HCFC1: variants seen among roughly 807,000 people sequenced by gnomAD.
The protein encoded by HCFC1 is host cell factor C1.
A neutral mutation model predicts 105.5 loss-of-function variants in HCFC1; 7 were observed. The ratio of observed to expected loss-of-function variants is 0.07; its 90% CI spans 0.04 to 0.12. HCFC1 has a LOEUF of 0.12. Ranked by LOEUF, HCFC1 falls within the 10% of genes least tolerant of loss-of-function variation. The pLI is 1.00. For synonymous variants in HCFC1, 918 were observed against 828.1 expected, an observed-to-expected ratio of 1.11 and a Z score of -1.86; for missense variants, 1,065 against 1,823.6, an observed-to-expected ratio of 0.58 and a Z score of 7.58.
chrX:153,967,840 G>C (rs1323627989), intron 1 of HCFC1, among the ~76,000 whole-genome samples: 1 of 111,800 alleles, frequency 8.9e-6, no homozygotes, highest in Non-Finnish European at 1.9e-5. Flanking sequence ...AGGAGGGCTT[G>C]GTGTGGAAGG....
At chrX:153,957,192 GGCA>G in intron 13 of HCFC1, 119 bp downstream of exon 13, 1 of 973,270 alleles carries the variant, frequency 1.0e-6, no homozygotes. Flanking sequence ...AGACACAAAA[GGCA>G]GCAAGGAGAA....
intron 1 of HCFC1, among the ~76,000 whole-genome samples, chrX:153,968,669 A>C (rs782727826): frequency 8.9e-6 from 1 of 112,756 alleles, no homozygotes; most frequent in Non-Finnish European, 1.9e-5. Flanking sequence ...CATTTTAATA[A>C]ACTAATGAAT....
At chrX:153,960,896 C>T (rs1487370793) in intron 6 of HCFC1, among the ~76,000 whole-genome samples, 2 of 112,815 alleles carry the variant, frequency 1.8e-5, no homozygotes, top group East Asian at 2.8e-4. Context: ...CTGACCATTC[C>T]GTGAGGGCAC....
Position 153,952,025 on chromosome X carries a change from A to C in HCFC1, c.5076T>G (p.Ala1692=), listed in dbSNP as rs2148561246. Residue 1692 remains alanine, a synonymous_variant, in exon 20 of 26, where the codon GCT becomes GCG. Transcript: ENST00000310441. The part of the protein sequence containing the change: ...IPIVLTQQEL[A]ALVQQQQLQE... The stretch of plus-strand genomic sequence containing the variant: ...GCAGCTGCTGCTGCTGCACCAGGGC[A>C]GCCAGCTCCTGCTGTGTCAGCACAA... 8 of 1,197,724 alleles carry C rather than the reference A, an allele frequency of 6.7e-6. No individual in the cohort carries two copies. Among genetic ancestry groups the C allele is most frequent in the East Asian group, 3.0e-5 (1 of 33,392 alleles).
intron 25 of HCFC1, 47 bp from the exon 26 acceptor site, chrX:153,949,433 C>G: frequency 8.8e-7 from 1 of 1,142,592 alleles, no homozygotes; most frequent in Non-Finnish European, 1.2e-6. Flanking sequence ...GGGCCCTGCA[C>G]CACTGGAGGC....
At chrX:153,959,657 T>A in intron 8 of HCFC1, 145 bp downstream of exon 8, 5 of 939,921 alleles carry the variant, frequency 5.3e-6, no homozygotes, top group Non-Finnish European at 7.3e-6. Flanking sequence ...GGCTTTAGCA[T>A]CCCCCTACAA....
At position 153,960,024 on chromosome X, in the gene HCFC1, T is replaced by C. The variant is rs781937365; in HGVS notation, c.1222A>G (p.Thr408Ala). ...GGATTGGGTGTAGGGGAGGTGGCAG[T>C]AGCAGCCGTGGCAGGAATGTCATAT... ...QKYDIPATAATATSPTPNPVP... is the reference protein window; with the variant it reads ...QKYDIPATAAAATSPTPNPVP... The change falls in exon 8 of 26, where the codon ACT (threonine) becomes GCT (alanine). Residue 408 changes from threonine to alanine, a missense_variant. Physicochemically the swap from Thr to Ala is moderately conservative, Grantham distance 58. Coordinates refer to ENST00000310441, the MANE Select transcript of HCFC1 (RefSeq NM_005334.3). The C allele has an allele frequency of 6.6e-6, 8 of 1,210,377 alleles. No individual in the cohort carries two copies. The South Asian group carries it at 1.1e-4, about 16-fold the overall frequency.
intron 6 of HCFC1, 33 bp from the exon 7 acceptor site, chrX:153,960,447 G>A: frequency 9.2e-7 from 1 of 1,090,943 alleles, no homozygotes; most frequent in Non-Finnish European, 1.2e-6. Context: ...GGTCAGCAAG[G>A]AGGATGGAGG....
At chrX:153,953,222 C>T (rs1260849558) in intron 18 of HCFC1, 1 of 441,689 alleles carries the variant, frequency 2.3e-6, no homozygotes, top group Non-Finnish European at 3.9e-6. Context: ...CAGCTCCAGC[C>T]CATGTTAAAT....
At chrX:153,961,149 T>C (rs1035256794) in intron 6 of HCFC1, among the ~76,000 whole-genome samples, 6 of 112,453 alleles carry the variant, frequency 5.3e-5, no homozygotes, top group Non-Finnish European at 1.1e-4. Flanking sequence ...AGGCCAGGTG[T>C]GGCACTGCGT....
chrX:153,954,684 T>C lies in HCFC1; in HGVS notation c.3715A>G (p.Thr1239Ala). 8.3e-7 allele frequency: 1 copy of C among 1,205,430 alleles called. No homozygotes were observed. Among genetic ancestry groups the C allele is most frequent in the Non-Finnish European group, 1.1e-6 (1 of 892,785 alleles). ...PAGRHSHAVS[T>A]AAMTRSSVGA... The stretch of plus-strand genomic sequence containing the variant: ...ACGCTGGAACGGGTCATGGCAGCGG[T>C]GCTGACCGCATGGCTGTGGCGCCCC... The change falls in exon 17 of 26, where the codon ACC becomes GCC. Residue 1239 changes from threonine (T) to alanine (A), a missense_variant. By Grantham distance (58) the Thr-to-Ala change is moderately conservative. Coordinates refer to ENST00000310441, the MANE Select transcript of HCFC1 (RefSeq NM_005334.3).
In HCFC1 at chrX:153,947,642, A is replaced by G. The variant is rs781864450; in HGVS notation, c.*1705T>C. The stretch of plus-strand genomic sequence containing the variant: ...AATATTGAGTCACAGGGGTTACTCT[A>G]CAATAGTGAACGGTGTACTCTCCTC... On this transcript the variant is annotated 3_prime_UTR_variant, in exon 26 of 26. Coordinates refer to ENST00000310441, the MANE Select transcript of HCFC1 (RefSeq NM_005334.3). 1 of 112,480 alleles carries G rather than the reference A, an allele frequency of 8.9e-6. No homozygotes were observed. The highest frequency in any genetic ancestry group is 1.9e-5 in the Non-Finnish European group (1 of 53,183). 9.3% of individuals were successfully genotyped at this position (112,480 alleles called of 1,213,427 possible).
At position 153,949,111 on chromosome X, in the gene HCFC1, A is replaced by G; in HGVS notation, c.*236T>C. On this transcript the variant is annotated 3_prime_UTR_variant, in exon 26 of 26. Coordinates refer to ENST00000310441, the MANE Select transcript of HCFC1 (RefSeq NM_005334.3). ...GTGGGCGGCAGCGGGGAGGAAAGGA[A>G]GCGCGCTCCTCTCTCTGCTTTCCCA... is the stretch of plus-strand genomic sequence containing the variant. 1 of 309,641 alleles carries G rather than the reference A, an allele frequency of 3.2e-6. No individual in the cohort carries two copies. Among genetic ancestry groups the G allele is most frequent in the Admixed American group, 5.4e-5 (1 of 18,402 alleles). 25.5% of individuals were successfully genotyped at this position (309,641 alleles called of 1,213,427 possible).
chrX:153,962,948 G>A (rs961758177), intron 4 of HCFC1, among the ~76,000 whole-genome samples: 12 of 112,262 alleles, frequency 1.1e-4, no homozygotes, highest in Admixed American at 5.6e-4. Flanking sequence ...CGGATCCAGA[G>A]AATTCCATTC....
chrX:153,957,071 G>A lies in HCFC1; in HGVS notation c.2354-11C>T. On this transcript the variant is annotated splice_polypyrimidine_tract_variant and intron_variant, in intron 13 of 25. Transcript: ENST00000310441. ...GACTGCTGGTCACACCTGGATGGGAGAGTGGGGCCCAGGGGAGACAGGCTC... is the reference window on the plus strand; with the variant it reads ...GACTGCTGGTCACACCTGGATGGGAAAGTGGGGCCCAGGGGAGACAGGCTC... 2 of 1,205,192 alleles carry A rather than the reference G, an allele frequency of 1.7e-6. No individual in the cohort carries two copies. Among genetic ancestry groups the A allele is most frequent in the Non-Finnish European group, 2.2e-6 (2 of 892,424 alleles).
At position 153,971,688 on chromosome X, in the gene HCFC1, G is replaced by A; in HGVS notation, c.-848C>T. ...AGGCGGTGTCCGATCCTCACTTCCC[G>A]CCTTATGACTCCTTCCCACAGGAGC... is the stretch of plus-strand genomic sequence containing the variant. On this transcript the variant is annotated 5_prime_UTR_variant, in exon 1 of 26. Transcript: ENST00000310441. The A allele has an allele frequency of 6.7e-6, 2 of 297,572 alleles. No individual in the cohort carries two copies. The highest frequency in any genetic ancestry group is 4.7e-5 in the East Asian group (1 of 21,070). The allele number at this position is 297,572 out of a possible 1,213,427, so 24.5% of individuals were successfully genotyped here.
At chrX:153,960,489 T>G in intron 6 of HCFC1, 75 bp from the exon 7 acceptor site, 1 of 734,626 alleles carries the variant, frequency 1.4e-6, no homozygotes, top group Non-Finnish European at 1.9e-6. Context: ...CCTTGGTTCT[T>G]TTGTTGTCAA....
At chrX:153,963,789 G>A (rs1257610527) in intron 3 of HCFC1, among the ~76,000 whole-genome samples, 1 of 112,794 alleles carries the variant, frequency 8.9e-6, no homozygotes, top group African/African-American at 3.2e-5. Context: ...ACGGGCCTTG[G>A]AAAATACCCA....
Position 153,961,543 on chromosome X carries a change from C to G in HCFC1, c.903G>C (p.Leu301=), listed in dbSNP as rs1317857885. Residue 301 remains leucine, a splice_region_variant and synonymous_variant, in exon 6 of 26, where the codon CTG becomes CTC. Coordinates refer to ENST00000310441, the MANE Select transcript of HCFC1 (RefSeq NM_005334.3). ...ACTCGGAGCCCGAGGAGGCCATACC[C>G]AGGTTGAGACAAGCCAGCGTGTTGG... The part of the protein sequence containing the change: ...KCTNTLACLN[L]DTMAWETILM... The G allele has an allele frequency of 8.4e-7, 1 of 1,193,974 alleles. No homozygotes were observed. Among genetic ancestry groups the G allele is most frequent in the Admixed American group, 2.2e-5 (1 of 45,826 alleles).
Sources: allele counts gnomAD v4.1 joint callset (sites outside exome capture counted in the v4.1 genomes callset), GRCh38; gene constraint gnomAD v4.1.1; transcripts MANE v1.5; gene names NCBI Gene and HGNC (gene_info 2026-07-23, HGNC 2026-07-21).